Variants in C19orf12 observed in about 807,000 individuals in gnomAD.
C19orf12 encodes protein C19orf12.
C19orf12 carries 2 observed loss-of-function variants against 3.8 expected under a neutral mutation model. That is an observed-to-expected ratio of 0.53 (90% CI 0.22 to 1.66). The LOEUF (loss-of-function observed/expected upper bound fraction) is 1.66, where lower values mean the gene tolerates loss of function less well. Among genes scored for constraint, C19orf12 ranks in the 40% most tolerant of loss-of-function variants. The probability of loss-of-function intolerance (pLI) is 0.20; values close to 1 mark genes in which losing one functional copy is unlikely to be tolerated. For missense variants in C19orf12, 156 were observed against 188.8 expected (o/e 0.83, Z 1.02); for synonymous variants, 89 against 84.6 (o/e 1.05, Z -0.28).
intron 1 of C19orf12, among the ~76,000 whole-genome samples, chr19:29,712,519 A>T (rs1180324805): frequency 6.6e-6 from 1 of 152,010 alleles, no homozygotes. Flanking sequence ...CCACCACCCA[A>T]CCTTTTTCAC....
At position 29,715,176 on chromosome 19, in the gene C19orf12, G is replaced by T; in HGVS notation, c.-62C>A. On this transcript the variant is annotated 5_prime_UTR_variant, in exon 1 of 3. The change creates a new upstream start codon in the 5' untranslated region. Coordinates refer to ENST00000323670, the MANE Select transcript of C19orf12 (RefSeq NM_031448.6). ...CGCTCGGCGATCAGACGCGGCTGCAGCCCGGGCCTGGCAGGCCCCGGGCTC... is the reference window on the plus strand; with the variant it reads ...CGCTCGGCGATCAGACGCGGCTGCATCCCGGGCCTGGCAGGCCCCGGGCTC... 1 of 533,312 alleles carries T rather than the reference G, an allele frequency of 1.9e-6. No homozygotes were observed. The highest frequency in any genetic ancestry group is 1.8e-5 in the South Asian group (1 of 54,416). The allele number at this position is 533,312 out of a possible 1,614,324, so 33.0% of individuals were successfully genotyped here. A position where few individuals can be genotyped will look rare whatever the true frequency, so the allele number is the denominator to read the frequency against.
chr19:29,711,174 G>C (rs1489822677), intron 1 of C19orf12, among the ~76,000 whole-genome samples: 1 of 151,202 alleles, frequency 6.6e-6, no homozygotes, highest in Non-Finnish European at 1.5e-5. Flanking sequence ...CGAATAGCTG[G>C]GACTACAGAC....
intron 2 of C19orf12, among the ~76,000 whole-genome samples, chr19:29,706,117 G>C (rs1392999821): frequency 1.3e-5 from 2 of 152,160 alleles, no homozygotes; most frequent in Admixed American, 1.3e-4. Context: ...CCATATCCCA[G>C]AGGCTGAATG....
At chr19:29,712,404 CA>C (rs796725489) in intron 1 of C19orf12, among the ~76,000 whole-genome samples, 10 of 143,452 alleles carry the variant, frequency 7.0e-5, no homozygotes, top group East Asian at 4.0e-4. Flanking sequence ...GACTCCGTCT[CA>C]AAAAAAAAAG....
rs1014960591 is a variant in C19orf12 at position 29,700,077 on chromosome 19, C to T, written c.*2635G>A. 4.4e-6 allele frequency: 2 copies of T among 453,874 alleles called. No homozygotes were observed. The highest frequency in any genetic ancestry group is 2.4e-5 in the Admixed American group (1 of 42,532). The allele number at this position is 453,874 out of a possible 1,614,324, so 28.1% of individuals were successfully genotyped here. Reference sequence around the variant, plus strand: ...ACACAAAACTGATCAGGAGTTGGACCATCTCCTCCCTGGGCATTTTTCCCT... The same window carrying T: ...ACACAAAACTGATCAGGAGTTGGACTATCTCCTCCCTGGGCATTTTTCCCT... On this transcript the variant is annotated 3_prime_UTR_variant, in exon 3 of 3. Transcript: ENST00000323670.
chr19:29,702,251 G>A lies in C19orf12; in HGVS notation c.*461C>T, dbSNP rs1478074963. The A allele has an allele frequency of 2.2e-6, 1 of 455,798 alleles. No individual in the cohort carries two copies. The highest frequency in any genetic ancestry group is 1.6e-5 in the South Asian group (1 of 64,486). 28.2% of individuals were successfully genotyped at this position (455,798 alleles called of 1,614,324 possible). A position where few individuals can be genotyped will look rare whatever the true frequency, so the allele number is the denominator to read the frequency against. On this transcript the variant is annotated 3_prime_UTR_variant, in exon 3 of 3. Coordinates refer to ENST00000323670, the MANE Select transcript of C19orf12 (RefSeq NM_031448.6). ...TGATTCCAGCATGGGCTGCTCCAAG[G>A]CCCTGAGACCCCAGGACCTGCAGGG...
At chr19:29,709,035 G>A (rs977311459) in intron 1 of C19orf12, among the ~76,000 whole-genome samples, 11 of 152,184 alleles carry the variant, frequency 7.2e-5, no homozygotes, top group African/African-American at 2.7e-4. Flanking sequence ...GCAGGCTCCC[G>A]ACCCAGGATG....
At chr19:29,715,065 C>T (rs1352871744) in intron 1 of C19orf12, 60 bp downstream of exon 1, 2 of 632,458 alleles carry the variant, frequency 3.2e-6, no homozygotes, top group Admixed American at 5.0e-5. Context: ...TGGGGTGCCC[C>T]CTCCTCTCGC....
intron 2 of C19orf12, 99 bp from the exon 3 acceptor site, chr19:29,703,076 C>T (rs1599534889): frequency 1.3e-6 from 2 of 1,535,706 alleles, no homozygotes; most frequent in East Asian, 4.5e-5. Context: ...CATGAGCAGG[C>T]ACATTCATGA....
At position 29,702,356 on chromosome 19, in the gene C19orf12, G is replaced by C. The variant is rs1972135188; in HGVS notation, c.*356C>G. On this transcript the variant is annotated 3_prime_UTR_variant, in exon 3 of 3. Transcript: ENST00000323670. The stretch of plus-strand genomic sequence containing the variant: ...GAGAAGGCCCCGGGGGGAGGATGAA[G>C]TGTGGTCAGACCGTCGGCTGAGCGT... 2.0e-6 allele frequency: 1 copy of C among 500,466 alleles called. No individual in the cohort carries two copies. Among genetic ancestry groups the C allele is most frequent in the East Asian group, 5.6e-5 (1 of 17,970 alleles). The allele number at this position is 500,466 out of a possible 1,614,324, so 31.0% of individuals were successfully genotyped here.
chr19:29,709,074 C>A (rs1972529029), intron 1 of C19orf12, among the ~76,000 whole-genome samples: 2 of 152,218 alleles, frequency 1.3e-5, no homozygotes, highest in South Asian at 4.1e-4. Context: ...TACTAACACA[C>A]ACACTGGGCT....
At position 29,700,424 on chromosome 19, in the gene C19orf12, C is replaced by T. The variant is rs1418718201; in HGVS notation, c.*2288G>A. On this transcript the variant is annotated 3_prime_UTR_variant, in exon 3 of 3. Transcript: ENST00000323670. ...AACGTTTTTTCCTTCACACTAAAAA[C>T]GGGCAACTTTAGAGCCCACTAAAGC... 2.2e-5 allele frequency: 10 copies of T among 454,094 alleles called. No individual in the cohort carries two copies. The highest frequency in any genetic ancestry group is 1.4e-4 in the East Asian group (2 of 14,392). The allele number at this position is 454,094 out of a possible 1,614,324, so 28.1% of individuals were successfully genotyped here.
In C19orf12 at chr19:29,700,390, C is replaced by T. The variant is rs1338408097; in HGVS notation, c.*2322G>A. ...TGTTGAGGTTTCATTCTCACGATAT[C>T]TGCAAATCAACGTTTTTTCCTTCAC... On this transcript the variant is annotated 3_prime_UTR_variant, in exon 3 of 3. Coordinates refer to ENST00000323670, the MANE Select transcript of C19orf12 (RefSeq NM_031448.6). The T allele has an allele frequency of 6.6e-6, 3 of 454,024 alleles. No individual in the cohort carries two copies. Among genetic ancestry groups the T allele is most frequent in the African/African-American group, 6.0e-5 (3 of 50,022 alleles). The allele number at this position is 454,024 out of a possible 1,614,324, so 28.1% of individuals were successfully genotyped here. A position where few individuals can be genotyped will look rare whatever the true frequency, so the allele number is the denominator to read the frequency against.
intron 1 of C19orf12, 60 bp from the exon 2 acceptor site, chr19:29,708,483 T>G (rs1972498641): frequency 6.3e-7 from 1 of 1,595,416 alleles, no homozygotes; most frequent in South Asian, 1.1e-5. Flanking sequence ...TCCATCACAA[T>G]GCCACTCTAG....
At chr19:29,708,840 G>A (rs1972517460) in intron 1 of C19orf12, among the ~76,000 whole-genome samples, 1 of 152,200 alleles carries the variant, frequency 6.6e-6, no homozygotes, top group Admixed American at 6.5e-5. Context: ...AGGCATCTGA[G>A]CTGAGGCCAA....
rs140771696 is a variant in C19orf12, at chr19:29,698,967, C to G, written c.*3745G>C. 2.2e-5 allele frequency: 10 copies of G among 450,170 alleles called. No homozygotes were observed. Among genetic ancestry groups the G allele is most frequent in the Non-Finnish European group, 4.4e-5 (10 of 225,810 alleles). The allele number at this position is 450,170 out of a possible 1,614,324, so 27.9% of individuals were successfully genotyped here. A position where few individuals can be genotyped will look rare whatever the true frequency, so the allele number is the denominator to read the frequency against. ...GAATTCAATAAAGAGAATATTAACA[C>G]AGTATTACTGTAATACTTCAGCATT... On this transcript the variant is annotated 3_prime_UTR_variant, in exon 3 of 3. Coordinates refer to ENST00000323670, the MANE Select transcript of C19orf12 (RefSeq NM_031448.6).
intron 1 of C19orf12, among the ~76,000 whole-genome samples, chr19:29,709,874 T>A (rs1323499000): frequency 6.6e-6 from 1 of 151,844 alleles, no homozygotes; most frequent in Non-Finnish European, 1.5e-5. Context: ...TTTTGTTTTG[T>A]TTGTTCGTTT....
In C19orf12 at chr19:29,702,241, C is replaced by T. The variant is rs112388598; in HGVS notation, c.*471G>A. On this transcript the variant is annotated 3_prime_UTR_variant, in exon 3 of 3. Transcript: ENST00000323670. ...GAGGTAAACATGATTCCAGCATGGG[C>T]TGCTCCAAGGCCCTGAGACCCCAGG... 4.1e-3 allele frequency: 1,849 copies of T among 455,232 alleles called. 29 individuals are homozygous for T. Among genetic ancestry groups the T allele is most frequent in the African/African-American group, 0.034 (1,717 of 50,176 alleles). The allele number at this position is 455,232 out of a possible 1,614,324, so 28.2% of individuals were successfully genotyped here.
chr19:29,705,859 G>A (rs557848675), intron 2 of C19orf12, among the ~76,000 whole-genome samples: 4 of 152,238 alleles, frequency 2.6e-5, no homozygotes, highest in Admixed American at 6.5e-5. Context: ...ACATGTGATC[G>A]CTAGGAGAAC....
Sources: allele counts gnomAD v4.1 joint callset (sites outside exome capture counted in the v4.1 genomes callset), GRCh38; gene constraint gnomAD v4.1.1; transcripts MANE v1.5; gene names NCBI Gene and HGNC (gene_info 2026-07-23, HGNC 2026-07-21).